The following TGFBRAP1 variants were observed in gnomAD, a reference collection of about 807,000 sequenced individuals.
The protein encoded by TGFBRAP1 is transforming growth factor beta receptor associated protein 1, also known as transforming growth factor-beta receptor-associated protein 1.
In TGFBRAP1, 20 loss-of-function variants were observed where a neutral mutation model predicts 83.2. The observed-to-expected ratio is 0.24, with a 90% CI of 0.17 to 0.35. TGFBRAP1 has a LOEUF of 0.35. TGFBRAP1 is among the 10% of genes least tolerant of loss of function. TGFBRAP1 has a pLI of 1.00. For missense variants in TGFBRAP1, 950 were observed against 1,099.4 expected, an observed-to-expected ratio of 0.86 and a Z score of 1.92; for synonymous variants, 415 against 459.8, an observed-to-expected ratio of 0.90 and a Z score of 1.25.
Position 105,298,616 on chromosome 2 carries a change from C to A in TGFBRAP1, c.778G>T (p.Val260Phe). The A allele has an allele frequency of 6.2e-7, 1 of 1,614,054 alleles. No homozygotes were observed. The highest frequency in any genetic ancestry group is 8.5e-7 in the Non-Finnish European group (1 of 1,179,996). Residue 260 changes from valine to phenylalanine, a missense_variant, in exon 3 of 12, where the codon GTC (valine) becomes TTC (phenylalanine). Val to Phe is a conservative substitution (Grantham distance 50). Coordinates refer to ENST00000393359, the MANE Select transcript of TGFBRAP1 (RefSeq NM_004257.6). ...ATGAATTCGTCATCGAGCGCTATGACGTATGGAAAGGACACAGCCGCCCCA... is the reference window on the plus strand; with the variant it reads ...ATGAATTCGTCATCGAGCGCTATGAAGTATGGAAAGGACACAGCCGCCCCA... ...VIGAAVSFPY[V>F]IALDDEFITV...
chr2:105,329,190 C>T (rs1205751398), intron 1 of TGFBRAP1, among the ~76,000 whole-genome samples: 1 of 152,060 alleles, frequency 6.6e-6, no homozygotes, highest in Non-Finnish European at 1.5e-5. Context: ...CCATTCCATA[C>T]CAGGGATGGA....
Position 105,320,576 on chromosome 2 carries a change from C to T in TGFBRAP1, c.-18+9049G>A, listed in dbSNP as rs572707646. 7.2e-5 allele frequency among the ~76,000 whole-genome samples: 11 copies of T among 152,200 alleles called. No individual in the cohort carries two copies. In the East Asian group the frequency reaches 1.7e-3, roughly 24 times the overall value. On this transcript the variant is annotated intron_variant, in intron 1 of 11. Transcript: ENST00000393359. ...CTTATAACATACCAGAAGGTAGTTC[C>T]CTGCCCAAAAGATAAACTCCAGACT... is the stretch of plus-strand genomic sequence containing the variant.
Position 105,277,686 on chromosome 2 carries a change from C to T in TGFBRAP1, c.1464-15G>A, listed in dbSNP as rs370227924. 7 of 1,613,804 alleles carry T rather than the reference C, an allele frequency of 4.3e-6. No homozygotes were observed. The highest frequency in any genetic ancestry group is 1.6e-4 in the Middle Eastern group (1 of 6,084). On this transcript the variant is annotated splice_polypyrimidine_tract_variant and intron_variant, in intron 6 of 11. Coordinates refer to ENST00000393359, the MANE Select transcript of TGFBRAP1 (RefSeq NM_004257.6). Reference sequence around the variant, plus strand: ...GTGCAAAATACCTGAAACAGAACAACACGGTAAGTACAACCTCTCCCCATC... The same window carrying T: ...GTGCAAAATACCTGAAACAGAACAATACGGTAAGTACAACCTCTCCCCATC...
intron 6 of TGFBRAP1, among the ~76,000 whole-genome samples, chr2:105,278,066 ATATGTGTGTG>A (rs1677409026): frequency 8.8e-6 from 1 of 113,702 alleles, no homozygotes; most frequent in Non-Finnish European, 1.8e-5. Context: ...CTCAAAAAAT[ATATGTGTGTG>A]TGTGTGTGTG....
chr2:105,308,455 A>T (rs1257758313), intron 1 of TGFBRAP1, 137 bp from the exon 2 acceptor site: 5 of 960,774 alleles, frequency 5.2e-6, no homozygotes, highest in Admixed American at 2.9e-5. Flanking sequence ...AAATGGAAAG[A>T]AACCATTTCC....
rs1474001630 is a variant in TGFBRAP1, at chr2:105,284,415, G to C, written c.1039-17C>G. The C allele has an allele frequency of 6.2e-7, 1 of 1,612,064 alleles. No individual in the cohort carries two copies. The highest frequency in any genetic ancestry group is 8.5e-7 in the Non-Finnish European group (1 of 1,178,360). ...GTACATTACCTGCAAGGAAAGACGGGTGTAATCTCTTAGTGAATCTTGAAA... is the reference window on the plus strand; with the variant it reads ...GTACATTACCTGCAAGGAAAGACGGCTGTAATCTCTTAGTGAATCTTGAAA... On this transcript the variant is annotated splice_polypyrimidine_tract_variant and intron_variant, in intron 4 of 11. Coordinates refer to ENST00000393359, the MANE Select transcript of TGFBRAP1 (RefSeq NM_004257.6).
At chr2:105,299,835 A>G (rs907019811) in intron 2 of TGFBRAP1, among the ~76,000 whole-genome samples, 7 of 152,168 alleles carry the variant, frequency 4.6e-5, no homozygotes, top group African/African-American at 1.7e-4. Flanking sequence ...AGTAACTGGC[A>G]AAAGAGGAGT....
chr2:105,274,372 G>A (rs1171680290), intron 8 of TGFBRAP1, among the ~76,000 whole-genome samples: 4 of 152,132 alleles, frequency 2.6e-5, no homozygotes, highest in Admixed American at 2.0e-4. Flanking sequence ...ACGCACACAC[G>A]CACCTCCCCC....
intron 1 of TGFBRAP1, among the ~76,000 whole-genome samples, chr2:105,318,058 T>A (rs1397208443): frequency 6.6e-6 from 1 of 152,156 alleles, no homozygotes; most frequent in Non-Finnish European, 1.5e-5. Context: ...GGACAGGTTA[T>A]CATTACCTAG....
intron 5 of TGFBRAP1, among the ~76,000 whole-genome samples, chr2:105,283,099 A>G (rs1677599086): frequency 6.6e-6 from 1 of 152,224 alleles, no homozygotes; most frequent in Admixed American, 6.5e-5. Context: ...TCAACACTGT[A>G]GGGCTAACAC....
At position 105,298,574 on chromosome 2, in the gene TGFBRAP1, A is replaced by G. The variant is rs773741901; in HGVS notation, c.820T>C (p.Leu274=). The G allele has an allele frequency of 5.6e-6, 9 of 1,613,792 alleles. No individual in the cohort carries two copies. The African/African-American group carries it at 6.7e-5, about 12-fold the overall frequency. Residue 274 remains leucine, a synonymous_variant, in exon 3 of 12, where the codon TTG becomes CTG. Transcript: ENST00000393359. ...AGCGTCTGCTTCTGTTGCTGATCCA[A>G]CATGCTGTGGACTGTGATGAATTCG... ...DDEFITVHSM[L]DQQQKQTLPF... is the part of the protein sequence containing the mutation.
Position 105,265,028 on chromosome 2 carries a change from CAT to C in TGFBRAP1, c.*2353_*2354del, listed in dbSNP as rs1676874601. The C allele has an allele frequency of 6.6e-6, 1 of 152,206 alleles. No individual in the cohort carries two copies. Among genetic ancestry groups the C allele is most frequent in the East Asian group, 1.9e-4 (1 of 5,196 alleles). 9.4% of individuals were successfully genotyped at this position (152,206 alleles called of 1,614,324 possible). The stretch of plus-strand genomic sequence containing the variant: ...AGGTTAGAGAAAAGTACAGTTTTAA[CAT>C]ATGAGACAATTCTTCATACTGTAAT... On this transcript the variant is annotated 3_prime_UTR_variant, in exon 12 of 12. Transcript: ENST00000393359.
downstream of TGFBRAP1, among the ~76,000 whole-genome samples, chr2:105,261,713 C>G (rs1226474944): frequency 6.6e-6 from 1 of 152,144 alleles, no homozygotes; most frequent in Non-Finnish European, 1.5e-5. Flanking sequence ...GATCACGCCA[C>G]TGCACTCCAG....
chr2:105,287,577 C>T (rs895411830), intron 4 of TGFBRAP1, among the ~76,000 whole-genome samples: 16 of 152,082 alleles, frequency 1.1e-4, no homozygotes, highest in Admixed American at 3.3e-4. Context: ...TATCCCTCCA[C>T]GCTGCATCTT....
chr2:105,281,594 G>A (rs1162127681), intron 5 of TGFBRAP1, among the ~76,000 whole-genome samples: 1 of 152,148 alleles, frequency 6.6e-6, no homozygotes, highest in Admixed American at 6.5e-5. Context: ...CTGACCTCCA[G>A]TGATTTGTAT....
rs747356128 is a variant in TGFBRAP1, at chr2:105,284,370, G to A, written c.1067C>T (p.Ala356Val). 19 of 1,613,812 alleles carry A rather than the reference G, an allele frequency of 1.2e-5. No homozygotes were observed. The highest frequency in any genetic ancestry group is 3.3e-5 in the Admixed American group (2 of 59,992). The change falls in exon 5 of 12, where the codon GCG becomes GTG. Residue 356 changes from alanine (A) to valine (V), a missense_variant. Physicochemically the swap from Ala to Val is moderately conservative, Grantham distance 64 (BLOSUM62 0). Transcript: ENST00000393359. ...AAGTTGTGCAAACTGTATAAATCCC[G>A]CCTGCTGCAGAATCCTTCTGTACAT... ...QVMYRRILQQ[A>V]GFIQFAQLQF...
At chr2:105,262,410 C>G (rs1394451231), downstream of TGFBRAP1, among the ~76,000 whole-genome samples, 1 of 152,212 alleles carries the variant, frequency 6.6e-6, no homozygotes, top group Non-Finnish European at 1.5e-5. Context: ...ATCTGCTCCC[C>G]CTTGGCCTCC....
At chr2:105,257,447 C>A in the TGFBRAP1 span, among the ~76,000 whole-genome samples, 1 of 152,160 alleles carries the variant, frequency 6.6e-6, no homozygotes, top group Non-Finnish European at 1.5e-5. Context: ...TGGCACCCAC[C>A]ATTCTACTTC....
At chr2:105,280,973 G>T (rs1365681840) in intron 5 of TGFBRAP1, among the ~76,000 whole-genome samples, 1 of 152,156 alleles carries the variant, frequency 6.6e-6, no homozygotes, top group Non-Finnish European at 1.5e-5. Flanking sequence ...CAGAACTGGT[G>T]TGAGAGTGGA....
Sources: allele counts gnomAD v4.1 joint callset (sites outside exome capture counted in the v4.1 genomes callset), GRCh38; gene constraint gnomAD v4.1.1; transcripts MANE v1.5; gene names NCBI Gene and HGNC (gene_info 2026-07-23, HGNC 2026-07-21).